The following SETD5 variants were observed in gnomAD, a reference collection of about 807,000 sequenced individuals.
The protein encoded by SETD5 is SET domain containing 5.
SETD5 carries 44 observed loss-of-function variants against 153.3 expected under a neutral mutation model. The observed-to-expected ratio is 0.29, with a 90% confidence interval of 0.23 to 0.37. The LOEUF (loss-of-function observed/expected upper bound fraction) is 0.37, where lower values mean the gene tolerates loss of function less well. SETD5 is among the 10% of genes least tolerant of loss of function. The pLI, the probability that SETD5 is intolerant of heterozygous loss-of-function variation, is 1.00. For synonymous variants in SETD5, 716 were observed against 645.2 expected (o/e 1.11, Z -1.66); for missense variants, 1,544 against 1,768.0 (o/e 0.87, Z 2.27).
intron 7 of SETD5, among the ~76,000 whole-genome samples, chr3:9,439,349 ATAATC>A (rs1268360221): frequency 1.3e-5 from 2 of 151,872 alleles, no homozygotes; most frequent in South Asian, 2.1e-4. Flanking sequence ...ATAGTAGACA[ATAATC>A]AGTCAGCAAC....
At chr3:9,416,046 T>C (rs1350264579) in intron 1 of SETD5, among the ~76,000 whole-genome samples, 1 of 152,066 alleles carries the variant, frequency 6.6e-6, no homozygotes, top group Non-Finnish European at 1.5e-5. Flanking sequence ...CTACTTTCTT[T>C]GTAATTTTTT....
chr3:9,408,100 A>C (rs908533471), intron 1 of SETD5, among the ~76,000 whole-genome samples: 1 of 152,172 alleles, frequency 6.6e-6, no homozygotes. Flanking sequence ...TAGTAATAGC[A>C]CCCGTTTCAC....
chr3:9,475,921 C>T lies in SETD5; in HGVS notation c.4159C>T (p.Arg1387Trp), dbSNP rs560529972. 1.7e-5 allele frequency: 28 copies of T among 1,614,048 alleles called. No individual in the cohort carries two copies. Among genetic ancestry groups the T allele is most frequent in the African/African-American group, 8.0e-5 (6 of 75,046 alleles). The stretch of plus-strand genomic sequence containing the variant: ...TAGGTCGTCATTGCCATCAGACTTA[C>T]GGACTATCAGTCTGCCCAGTGCTGG... ...NSRSSLPSDL[R>W]TISLPSAGQS... Residue 1387 changes from arginine to tryptophan, a missense_variant, in exon 23 of 23, where the codon CGG (arginine) becomes TGG (tryptophan). This residue lies in a region of SETD5 where 302 missense variants were observed against 277.6 expected (regional missense o/e 1.09). Transcript: ENST00000402198.
Position 9,455,357 on chromosome 3 carries a change from CG to C in SETD5, c.2476+1491del, listed in dbSNP as rs1472089171. Among the ~76,000 whole-genome samples the C allele has an allele frequency of 2.0e-5, 3 of 151,488 alleles. No homozygotes were observed. The East Asian group carries it at 5.8e-4, about 29-fold the overall frequency. On this transcript the variant is annotated intron_variant, in intron 17 of 22. Coordinates refer to ENST00000402198, the MANE Select transcript of SETD5 (RefSeq NM_001080517.3). ...CTGACCTCAGGAGATCCGCCCACCT[CG>C]GCTTCCCAAAGTGCTGGGATTACAG...
chr3:9,413,484 C>G (rs1184736413), intron 1 of SETD5, among the ~76,000 whole-genome samples: 3 of 152,086 alleles, frequency 2.0e-5, no homozygotes, highest in Non-Finnish European at 4.4e-5. Flanking sequence ...TTTATTGCTG[C>G]CCATCTGTAG....
chr3:9,400,092 G>T (rs2034515407), intron 1 of SETD5, among the ~76,000 whole-genome samples: 1 of 152,208 alleles, frequency 6.6e-6, no homozygotes, highest in South Asian at 2.1e-4. Context: ...TTGCTTTTCT[G>T]GGAATTTTCA....
chr3:9,430,392 G>C, intron 3 of SETD5: 2 of 955,886 alleles, frequency 2.1e-6, no homozygotes, highest in Non-Finnish European at 2.5e-6. Context: ...TGGGGGTGGG[G>C]AAGGGTTGAT....
rs183911558 is a variant in SETD5, at chr3:9,448,583, C to T, written c.2299C>T (p.Arg767Cys). 1.5e-4 allele frequency: 248 copies of T among 1,609,638 alleles called. No individual in the cohort carries two copies. The highest frequency in any genetic ancestry group is 1.9e-4 in the Non-Finnish European group (228 of 1,176,978). ...TGGCTCACCCTTTATCCCTGAGAGA[C>T]GTCGAAGGCCCCTTCTGCCTGATGG... ...RFGSPFIPER[R>C]RRPLLPDGTF... Residue 767 changes from arginine to cysteine, a missense_variant, in exon 16 of 23, where the codon CGT becomes TGT. By Grantham distance (180) the Arg-to-Cys change is radical. Transcript: ENST00000402198.
chr3:9,445,692 G>A lies in SETD5; in HGVS notation c.1476G>A (p.Glu492=). The part of the protein sequence containing the change: ...VDNPEEKPEE[E]KEEVIDDQEN... ...ATCCAGAAGAAAAACCAGAAGAAGA[G>A]AAAGAAGAGGTTATAGATGACCAGG... Residue 492 remains glutamate (E), a synonymous_variant, in exon 13 of 23, where the codon GAG becomes GAA. Transcript: ENST00000402198. 1.9e-6 allele frequency: 3 copies of A among 1,613,716 alleles called. No individual in the cohort carries two copies. The highest frequency in any genetic ancestry group is 2.5e-6 in the Non-Finnish European group (3 of 1,179,754).
chr3:9,456,968 C>T (rs1391596114), intron 17 of SETD5, among the ~76,000 whole-genome samples: 2 of 150,674 alleles, frequency 1.3e-5, no homozygotes, highest in Non-Finnish European at 3.0e-5. Context: ...GAGTGAGACT[C>T]CGTCTCAAAA....
At chr3:9,445,385 G>C in intron 12 of SETD5, 85 bp downstream of exon 12, 2 of 1,412,954 alleles carry the variant, frequency 1.4e-6, no homozygotes, top group Non-Finnish European at 2.0e-6. Context: ...GTTTAAGTAG[G>C]GGAGCTATAG....
rs747650296 is a variant in SETD5 at position 9,475,462 on chromosome 3, T to A, written c.3721-21T>A. On this transcript the variant is annotated intron_variant, in intron 22 of 22. Transcript: ENST00000402198. Reference sequence around the variant, plus strand: ...AGGGACTTGTTCGCGTCCTTATTCGTTTCCTCCCAACTTTGTCTAGCTCCT... The same window carrying A: ...AGGGACTTGTTCGCGTCCTTATTCGATTCCTCCCAACTTTGTCTAGCTCCT... 4 of 1,593,278 alleles carry A rather than the reference T, an allele frequency of 2.5e-6. No homozygotes were observed. In the Admixed American group the frequency reaches 6.9e-5, roughly 28 times the overall value.
At chr3:9,462,437 A>G (rs2044071199) in intron 17 of SETD5, among the ~76,000 whole-genome samples, 1 of 151,318 alleles carries the variant, frequency 6.6e-6, no homozygotes, top group Non-Finnish European at 1.5e-5. Flanking sequence ...AATACAAAAA[A>G]TTAGCCGGGT....
At chr3:9,432,305 G>C in intron 3 of SETD5, 1 of 985,046 alleles carries the variant, frequency 1.0e-6, no homozygotes, top group Middle Eastern at 5.2e-4. Context: ...CTTTCTCACA[G>C]TTTTGGAGCA....
At chr3:9,459,885 AATAAC>A (rs1177071389) in intron 17 of SETD5, among the ~76,000 whole-genome samples, 1 of 152,170 alleles carries the variant, frequency 6.6e-6, no homozygotes, top group African/African-American at 2.4e-5. Context: ...TTAATGATAA[AATAAC>A]ATACTATGAT....
intron 1 of SETD5, among the ~76,000 whole-genome samples, chr3:9,409,351 A>T (rs975632344): frequency 6.6e-6 from 1 of 152,176 alleles, no homozygotes; most frequent in African/African-American, 2.4e-5. Context: ...CTAGTTTTCA[A>T]AATAATGGGT....
At chr3:9,463,832 C>CA (rs1452359264) in intron 17 of SETD5, among the ~76,000 whole-genome samples, 2 of 152,136 alleles carry the variant, frequency 1.3e-5, no homozygotes, top group Non-Finnish European at 2.9e-5. Context: ...TTCAGAAACT[C>CA]AATGTAAAAG....
At chr3:9,461,515 AAAT>A (rs970503720) in intron 17 of SETD5, among the ~76,000 whole-genome samples, 7 of 152,284 alleles carry the variant, frequency 4.6e-5, no homozygotes, top group African/African-American at 1.2e-4. Flanking sequence ...TAAAGGTGAA[AAAT>A]AATAATAATA....
chr3:9,433,774 G>A, intron 3 of SETD5, 71 bp from the exon 4 acceptor site: 1 of 1,468,550 alleles, frequency 6.8e-7, no homozygotes, highest in East Asian at 2.3e-5. Flanking sequence ...GGTTAGAATG[G>A]GAAATGAAGT....
Sources: allele counts gnomAD v4.1 joint callset (sites outside exome capture counted in the v4.1 genomes callset), GRCh38; gene constraint gnomAD v4.1.1; regional missense constraint gnomAD v4.1.1; transcripts MANE v1.5; gene names NCBI Gene and HGNC (gene_info 2026-07-23, HGNC 2026-07-21).